The following MAN1A2 variants were observed in gnomAD, a reference collection of about 807,000 sequenced individuals.
MAN1A2 encodes the protein mannosyl-oligosaccharide 1,2-alpha-mannosidase IB.
Under a neutral mutation model 75.7 loss-of-function variants are expected in MAN1A2, and 26 were observed. The observed-to-expected ratio is 0.34, with a 90% CI of 0.25 to 0.48. The LOEUF is 0.48. MAN1A2 is among the 20% of genes least tolerant of loss of function. MAN1A2 has a pLI of 0.99. For missense variants in MAN1A2, 562 were observed against 775.5 expected (o/e 0.72, Z 3.27); for synonymous variants, 247 against 264.6 (o/e 0.93, Z 0.65).
At chr1:117,377,778 C>CT (rs1235853836) in intron 1 of MAN1A2, among the ~76,000 whole-genome samples, 1 of 152,112 alleles carries the variant, frequency 6.6e-6, no homozygotes, top group Non-Finnish European at 1.5e-5. Flanking sequence ...TAATAGTATG[C>CT]TTTCATATCT....
intron 5 of MAN1A2, among the ~76,000 whole-genome samples, chr1:117,432,479 A>G (rs1300429408): frequency 6.6e-6 from 1 of 152,262 alleles, no homozygotes; most frequent in Non-Finnish European, 1.5e-5. Context: ...CATTAAAGGC[A>G]TAATAATGGA....
chr1:117,505,034 G>C (rs559151841), intron 12 of MAN1A2, among the ~76,000 whole-genome samples: 1 of 151,490 alleles, frequency 6.6e-6, no homozygotes, highest in South Asian at 2.1e-4. Context: ...TAACTTATCT[G>C]TGGAGTGATA....
At chr1:117,374,537 G>A (rs187843148) in intron 1 of MAN1A2, among the ~76,000 whole-genome samples, 1 of 152,196 alleles carries the variant, frequency 6.6e-6, no homozygotes, top group East Asian at 1.9e-4. Flanking sequence ...CCTTCAAAGG[G>A]CATTCTTTCC....
rs534309756 is a variant in MAN1A2, at chr1:117,480,873, A to G, written c.1169-12274A>G. Among the ~76,000 whole-genome samples, 56 of 151,918 alleles carry G rather than the reference A, an allele frequency of 3.7e-4. No homozygotes were observed. In the Middle Eastern group the frequency reaches 0.014, roughly 37 times the overall value. ...TTCATTATTGCTTTTTGCACACTCC[A>G]TTCTATTCTCTTAGATTTTTTGCTG... On this transcript the variant is annotated intron_variant, in intron 8 of 12. Transcript: ENST00000356554.
At chr1:117,407,857 A>G (rs1647664888) in intron 3 of MAN1A2, among the ~76,000 whole-genome samples, 1 of 152,186 alleles carries the variant, frequency 6.6e-6, no homozygotes, top group African/African-American at 2.4e-5. Context: ...GAAGCTTCAT[A>G]TCTTCATACT....
At chr1:117,451,096 T>C (rs777651176) in intron 6 of MAN1A2, among the ~76,000 whole-genome samples, 17 of 152,250 alleles carry the variant, frequency 1.1e-4, no homozygotes, top group South Asian at 2.1e-4. Context: ...ACCCAGGAGG[T>C]TGGGCTATAC....
intron 6 of MAN1A2, among the ~76,000 whole-genome samples, chr1:117,445,402 C>T (rs908835418): frequency 9.9e-5 from 15 of 152,028 alleles, no homozygotes; most frequent in Non-Finnish European, 1.6e-4. Flanking sequence ...AGAAATAATT[C>T]GTGGAGTGCT....
intron 5 of MAN1A2, among the ~76,000 whole-genome samples, chr1:117,429,351 G>A (rs1648495696): frequency 7.2e-6 from 1 of 139,742 alleles, no homozygotes; most frequent in East Asian, 2.1e-4. Context: ...GCCGGGCAGA[G>A]GGGCTCCTCA....
intron 6 of MAN1A2, among the ~76,000 whole-genome samples, chr1:117,452,924 G>C (rs1649469283): frequency 6.6e-6 from 1 of 152,174 alleles, no homozygotes; most frequent in Admixed American, 6.5e-5. Context: ...CTTGTTGGGG[G>C]CTGATAGAGC....
intron 1 of MAN1A2, among the ~76,000 whole-genome samples, chr1:117,389,914 T>C (rs1653663985): frequency 6.6e-6 from 1 of 152,138 alleles, no homozygotes; most frequent in African/African-American, 2.4e-5. Context: ...TCATCAGGAA[T>C]GGATATTGGA....
chr1:117,493,488 AATTT>A, intron 9 of MAN1A2: 1 of 345,464 alleles, frequency 2.9e-6, no homozygotes, highest in Non-Finnish European at 5.3e-6. Flanking sequence ...TTGAAGAAAG[AATTT>A]ATTGTAGTCC....
At chr1:117,484,843 C>A (rs1048803571) in intron 8 of MAN1A2, among the ~76,000 whole-genome samples, 2 of 151,906 alleles carry the variant, frequency 1.3e-5, no homozygotes, top group African/African-American at 4.8e-5. Flanking sequence ...AGTATCTACA[C>A]ATATGTTATT....
chr1:117,460,758 C>G, intron 7 of MAN1A2, 146 bp downstream of exon 7: 1 of 893,998 alleles, frequency 1.1e-6, no homozygotes, highest in South Asian at 3.4e-5. Flanking sequence ...TGAAGTTACT[C>G]AAAGAAATGT....
chr1:117,472,807 A>G (rs961485416), intron 8 of MAN1A2, among the ~76,000 whole-genome samples: 1 of 151,986 alleles, frequency 6.6e-6, no homozygotes, highest in African/African-American at 2.4e-5. Context: ...TTCTTAAAAC[A>G]TGAGATTTTT....
chr1:117,442,217 GTTTTA>G lies in MAN1A2; in HGVS notation c.856-13_856-9del. The G allele has an allele frequency of 1.3e-6, 2 of 1,507,156 alleles. No homozygotes were observed. The highest frequency in any genetic ancestry group is 1.8e-6 in the Non-Finnish European group (2 of 1,082,566). 93.4% of individuals were successfully genotyped at this position (1,507,156 alleles called of 1,614,324 possible). On this transcript the variant is annotated splice_polypyrimidine_tract_variant and intron_variant, in intron 5 of 12. Transcript: ENST00000356554. ...ATGGCTATAATTTATGAATATTCAT[GTTTTA>G]AATCTCAGATATTCAAGATTAAAGC...
At chr1:117,486,009 C>T (rs888408734) in intron 8 of MAN1A2, among the ~76,000 whole-genome samples, 1 of 151,912 alleles carries the variant, frequency 6.6e-6, no homozygotes, top group African/African-American at 2.4e-5. Flanking sequence ...AGAGGAAACC[C>T]ACACTAGCTA....
intron 5 of MAN1A2, among the ~76,000 whole-genome samples, chr1:117,426,506 T>G (rs1226000062): frequency 6.6e-6 from 1 of 152,184 alleles, no homozygotes; most frequent in African/African-American, 2.4e-5. Context: ...AAGTTGAAAA[T>G]GCATTTAGTA....
chr1:117,435,749 G>C (rs1648826049), intron 5 of MAN1A2, among the ~76,000 whole-genome samples: 1 of 152,136 alleles, frequency 6.6e-6, no homozygotes, highest in South Asian at 2.1e-4. Flanking sequence ...CAAATATTTT[G>C]TAATAGATAA....
At chr1:117,469,368 A>G (rs555715759) in intron 8 of MAN1A2, among the ~76,000 whole-genome samples, 5 of 152,126 alleles carry the variant, frequency 3.3e-5, no homozygotes, top group Non-Finnish European at 4.4e-5. Flanking sequence ...AGAAGAAAAC[A>G]TAGGGGAAAA....
Sources: allele counts gnomAD v4.1 joint callset (sites outside exome capture counted in the v4.1 genomes callset), GRCh38; gene constraint gnomAD v4.1.1; transcripts MANE v1.5; gene names NCBI Gene and HGNC (gene_info 2026-07-23, HGNC 2026-07-21).